STARD8: variants seen among roughly 807,000 people sequenced by gnomAD.
The protein encoded by STARD8 is StAR related lipid transfer domain containing 8.
Under a neutral mutation model 69.4 loss-of-function variants are expected in STARD8, and 25 were observed. The ratio of observed to expected loss-of-function variants is 0.36; its 90% CI spans 0.26 to 0.50. The LOEUF (loss-of-function observed/expected upper bound fraction) is 0.50. Among genes scored for constraint, STARD8 ranks in the 20% least tolerant of loss-of-function variants. STARD8 has a pLI of 0.96. For synonymous variants in STARD8, 389 were observed against 374.6 expected (o/e 1.04, Z -0.45); for missense variants, 921 against 932.5 (o/e 0.99, Z 0.16).
chrX:68,705,089 T>A (rs2079995412), intron 2 of STARD8, among the ~76,000 whole-genome samples: 1 of 112,012 alleles, frequency 8.9e-6, no homozygotes, highest in Non-Finnish European at 1.9e-5. Flanking sequence ...TTAAAACAAC[T>A]CTCTCTTTCC....
At chrX:68,710,238 A>G (rs1450254872) in intron 2 of STARD8, among the ~76,000 whole-genome samples, 1 of 112,408 alleles carries the variant, frequency 8.9e-6, no homozygotes, top group Non-Finnish European at 1.9e-5. Context: ...AAAAATACCA[A>G]TGTGGAGAGT....
chrX:68,681,205 T>C (rs994798815), intron 2 of STARD8, among the ~76,000 whole-genome samples: 28 of 111,537 alleles, frequency 2.5e-4, no homozygotes, highest in African/African-American at 3.9e-4. Context: ...TAGTCATCCA[T>C]AGCAAGGTAG....
rs1160460389 is a variant in STARD8, at chrX:68,665,507, A to T, written c.54A>T (p.Pro18=). 2.5e-6 allele frequency: 3 copies of T among 1,208,399 alleles called. No individual in the cohort carries two copies. Among genetic ancestry groups the T allele is most frequent in the South Asian group, 3.6e-5 (2 of 55,936 alleles). ...WSCFRKVKCF[P]LLQVKKNAEA... ...CTCTGTTTCTTTTGCAGTGCTTCCCATTGCTGCAGGTGAAGAAGAACGCTG... is the reference window on the plus strand; with the variant it reads ...CTCTGTTTCTTTTGCAGTGCTTCCCTTTGCTGCAGGTGAAGAAGAACGCTG... Residue 18 remains proline, a synonymous_variant, in exon 2 of 15, where the codon CCA becomes CCT. Coordinates refer to ENST00000374599, the MANE Select transcript of STARD8 (RefSeq NM_001142503.3).
At chrX:68,687,235 G>T (rs754792776) in intron 2 of STARD8, among the ~76,000 whole-genome samples, 6 of 110,617 alleles carry the variant, frequency 5.4e-5, no homozygotes, top group Admixed American at 9.7e-5. Context: ...AACCCTGGTA[G>T]CACCTTTATA....
chrX:68,663,519 A>G (rs2079663565), intron 1 of STARD8, among the ~76,000 whole-genome samples: 1 of 112,175 alleles, frequency 8.9e-6, no homozygotes, highest in South Asian at 3.7e-4. Context: ...TTTAAGGCCT[A>G]CTTATCTCCT....
intron 1 of STARD8, chrX:68,656,550 T>C (rs1228080099): frequency 1.8e-5 from 2 of 112,074 alleles, no homozygotes; most frequent in East Asian, 5.6e-4. Context: ...TAAAGACACA[T>C]GCACGCATAT....
chrX:68,680,618 C>G (rs1254169394), intron 2 of STARD8, among the ~76,000 whole-genome samples: 2 of 112,204 alleles, frequency 1.8e-5, no homozygotes, highest in African/African-American at 6.5e-5. Flanking sequence ...CTGAGCCAGA[C>G]TGCAAGGCAT....
chrX:68,700,858 C>G (rs2079961461), intron 2 of STARD8, among the ~76,000 whole-genome samples: 1 of 112,462 alleles, frequency 8.9e-6, no homozygotes, highest in African/African-American at 3.2e-5. Context: ...CTTAACTTCT[C>G]TGAGCCTTCA....
At chrX:68,714,994 T>C (rs775021695) in intron 3 of STARD8, among the ~76,000 whole-genome samples, 45 of 111,686 alleles carry the variant, frequency 4.0e-4, no homozygotes, top group African/African-American at 1.3e-3. Context: ...CAAAGGGGAA[T>C]GGGGGAGCCC....
intron 2 of STARD8, among the ~76,000 whole-genome samples, chrX:68,668,091 TTCTTTCTTTCTTTCTTTCTTTCTG>T (rs1372370372): frequency 3.3e-4 from 32 of 97,695 alleles, no homozygotes; most frequent in African/African-American, 1.1e-3. Flanking sequence ...CTTTCTTTCT[TTCTTTCTTTCTTTCTTTCTTTCTG>T]TCTTTCTTTC....
At chrX:68,647,965 A>AG in intron 1 of STARD8, 38 bp downstream of exon 1, 4 of 1,181,821 alleles carry the variant, frequency 3.4e-6, no homozygotes, top group East Asian at 3.1e-5. Context: ...CCCGCTGCTC[A>AG]GGGGGGAAGG....
At chrX:68,668,091 T>TTCTTTCTTTCTG (rs1569355342) in intron 2 of STARD8, among the ~76,000 whole-genome samples, 2 of 97,667 alleles carry the variant, frequency 2.0e-5, no homozygotes, top group Non-Finnish European at 4.1e-5. Flanking sequence ...CTTTCTTTCT[T>TTCTTTCTTTCTG]TCTTTCTTTC....
intron 2 of STARD8, among the ~76,000 whole-genome samples, chrX:68,679,699 G>A (rs1234447784): frequency 8.9e-6 from 1 of 112,208 alleles, no homozygotes; most frequent in Non-Finnish European, 1.9e-5. Context: ...CTATCCACAT[G>A]GGGCCTCTCA....
chrX:68,712,595 G>A (rs1347656126), intron 2 of STARD8, among the ~76,000 whole-genome samples: 2 of 112,250 alleles, frequency 1.8e-5, no homozygotes, highest in Non-Finnish European at 3.8e-5. Context: ...ATCCCAGCAG[G>A]CCTCCTTGAC....
chrX:68,716,368 G>A lies in STARD8; in HGVS notation c.234G>A (p.Arg78=). 1 of 1,210,579 alleles carries A rather than the reference G, an allele frequency of 8.3e-7. No homozygotes were observed. The highest frequency in any genetic ancestry group is 1.1e-6 in the Non-Finnish European group (1 of 894,793). Residue 78 remains arginine, a splice_region_variant and synonymous_variant, in exon 5 of 15, where the codon AGG becomes AGA. Coordinates refer to ENST00000374599, the MANE Select transcript of STARD8 (RefSeq NM_001142503.3). The part of the protein sequence containing the change: ...LDEDSLGALC[R]RLMTLNNCAS... ...GTTGGACACTTCCATTTTGTTACAG[G>A]AGGCTGATGACCTTGAATAATTGTG...
chrX:68,699,439 T>C (rs1168492326), intron 2 of STARD8, among the ~76,000 whole-genome samples: 1 of 112,502 alleles, frequency 8.9e-6, no homozygotes, highest in Non-Finnish European at 1.9e-5. Flanking sequence ...TTTTCTCTTA[T>C]GTTGAACTTA....
rs767194731 is a variant in STARD8 at position 68,719,137 on chromosome X, A to G, written c.1716-88A>G. The G allele has an allele frequency of 1.6e-4, 164 of 1,013,761 alleles. No individual in the cohort carries two copies. The African/African-American group carries it at 3.0e-3, about 18-fold the overall frequency. 83.5% of individuals were successfully genotyped at this position (1,013,761 alleles called of 1,213,427 possible). On this transcript the variant is annotated intron_variant, in intron 6 of 14. Coordinates refer to ENST00000374599, the MANE Select transcript of STARD8 (RefSeq NM_001142503.3). ...TCCCTGCATTTTTTCTTTGGGGAGA[A>G]AAAAGGGGACCACAATAACACCTTT...
chrX:68,665,886 A>C (rs1164709949), intron 2 of STARD8, among the ~76,000 whole-genome samples: 1 of 112,200 alleles, frequency 8.9e-6, no homozygotes, highest in South Asian at 3.7e-4. Flanking sequence ...GAGATGCCTC[A>C]GGAGAGAAAA....
intron 2 of STARD8, among the ~76,000 whole-genome samples, chrX:68,692,064 T>A (rs1250456891): frequency 8.9e-6 from 1 of 112,028 alleles, no homozygotes; most frequent in African/African-American, 3.3e-5. Flanking sequence ...TTTTTAGCAC[T>A]GTGCACAGGC....
Sources: allele counts gnomAD v4.1 joint callset (sites outside exome capture counted in the v4.1 genomes callset), GRCh38; gene constraint gnomAD v4.1.1; transcripts MANE v1.5; gene names NCBI Gene and HGNC (gene_info 2026-07-23, HGNC 2026-07-21).